Variants in SMOC2 observed in about 807,000 individuals in gnomAD.
The protein encoded by SMOC2 is SPARC-related modular calcium-binding protein 2.
In SMOC2, 39 loss-of-function variants were observed where a neutral mutation model predicts 61.4. The observed-to-expected ratio is 0.64, with a 90% CI of 0.49 to 0.83. The LOEUF (loss-of-function observed/expected upper bound fraction) is 0.83, where lower values mean the gene tolerates loss of function less well. Among genes scored for constraint, SMOC2 ranks in the 40% least tolerant of loss-of-function variants. The pLI, the probability that SMOC2 is intolerant of heterozygous loss-of-function variation, is 0.00. For synonymous variants in SMOC2, 247 were observed against 239.9 expected, an observed-to-expected ratio of 1.03 and a Z score of -0.27; for missense variants, 556 against 592.9, an observed-to-expected ratio of 0.94 and a Z score of 0.65.
intron 1 of SMOC2, among the ~76,000 whole-genome samples, chr6:168,471,856 CT>C (rs1387363554): frequency 6.6e-6 from 1 of 152,132 alleles, no homozygotes; most frequent in African/African-American, 2.4e-5. Flanking sequence ...TGTTGAGCAT[CT>C]TTTCTTATTC....
chr6:168,502,458 C>A (rs1015204550), intron 1 of SMOC2, among the ~76,000 whole-genome samples: 39 of 152,194 alleles, frequency 2.6e-4, no homozygotes, highest in African/African-American at 8.4e-4. Flanking sequence ...CCACCTTCTG[C>A]GTATTTATTG....
chr6:168,623,885 G>A (rs919140278), intron 9 of SMOC2, among the ~76,000 whole-genome samples: 5 of 152,184 alleles, frequency 3.3e-5, no homozygotes, highest in Admixed American at 6.5e-5. Context: ...CTGGGCTGTC[G>A]GTGCAGTGGC....
intron 10 of SMOC2, among the ~76,000 whole-genome samples, chr6:168,651,074 G>A (rs1787180824): frequency 6.6e-6 from 1 of 152,210 alleles, no homozygotes; most frequent in African/African-American, 2.4e-5. Flanking sequence ...CAGGGCAGGG[G>A]GAGCACTTCC....
intron 1 of SMOC2, among the ~76,000 whole-genome samples, chr6:168,487,086 C>T (rs891149409): frequency 1.3e-5 from 2 of 152,210 alleles, no homozygotes; most frequent in African/African-American, 4.8e-5. Context: ...CCCAGCCTCT[C>T]CTCTGCCCTG....
intron 1 of SMOC2, among the ~76,000 whole-genome samples, chr6:168,474,664 C>T (rs13217628): frequency 0.2 from 30,589 of 152,056 alleles, 3,980 homozygotes; most frequent in East Asian, 0.44. Flanking sequence ...CCAAGACCAC[C>T]AGGCACAGCT....
At chr6:168,630,331 A>G (rs956633259) in intron 9 of SMOC2, among the ~76,000 whole-genome samples, 15 of 152,196 alleles carry the variant, frequency 9.9e-5, no homozygotes, top group African/African-American at 3.1e-4. Flanking sequence ...AGTTCCCCAA[A>G]TTAATACTTT....
chr6:168,567,773 T>C (rs1784575241), intron 7 of SMOC2, among the ~76,000 whole-genome samples: 1 of 152,222 alleles, frequency 6.6e-6, no homozygotes, highest in Admixed American at 6.5e-5. Context: ...ATGGTGTGTG[T>C]CGGTGTCTCA....
intron 9 of SMOC2, among the ~76,000 whole-genome samples, chr6:168,624,788 T>G (rs770180269): frequency 9.7e-6 from 1 of 102,924 alleles, no homozygotes; most frequent in Non-Finnish European, 2.1e-5. Flanking sequence ...ACAATACAGA[T>G]ACACACAGAC....
intron 1 of SMOC2, among the ~76,000 whole-genome samples, chr6:168,460,616 G>A (rs1034567857): frequency 1.1e-4 from 17 of 152,296 alleles, no homozygotes; most frequent in East Asian, 3.9e-4. Context: ...CAGGAACCCG[G>A]TGTGGGGCCA....
At chr6:168,525,548 A>G (rs1783433874) in intron 2 of SMOC2, among the ~76,000 whole-genome samples, 3 of 152,198 alleles carry the variant, frequency 2.0e-5, no homozygotes, top group Admixed American at 2.0e-4. Flanking sequence ...CTGGAAGTCT[A>G]AAGACTTTTC....
chr6:168,547,548 C>A (rs1370548527), intron 6 of SMOC2, among the ~76,000 whole-genome samples: 1 of 151,876 alleles, frequency 6.6e-6, no homozygotes, highest in African/African-American at 2.4e-5. Flanking sequence ...GATGGCATAC[C>A]ACACATCCAG....
intron 7 of SMOC2, among the ~76,000 whole-genome samples, chr6:168,559,068 A>G (rs545851039): frequency 6.6e-6 from 1 of 152,378 alleles, no homozygotes; most frequent in South Asian, 2.1e-4. Flanking sequence ...ACCAAGATTT[A>G]CATGTTGTTA....
chr6:168,618,009 T>C (rs1455005756), intron 9 of SMOC2, among the ~76,000 whole-genome samples: 1 of 152,158 alleles, frequency 6.6e-6, no homozygotes, highest in Non-Finnish European at 1.5e-5. Flanking sequence ...AGGGATAAAA[T>C]AATCTGAGAT....
rs188055167 is a variant in SMOC2, at chr6:168,517,631, C to T, written c.256+7545C>T. On this transcript the variant is annotated intron_variant, in intron 2 of 12. Coordinates refer to ENST00000356284, the MANE Select transcript of SMOC2 (RefSeq NM_001166412.2). ...GGAACCAGGCCTCCCCGTGGGGCTCCGTCCACGCGCTCTGCTCCTTCTGTT... is the reference window on the plus strand; with the variant it reads ...GGAACCAGGCCTCCCCGTGGGGCTCTGTCCACGCGCTCTGCTCCTTCTGTT... 1.6e-3 allele frequency among the ~76,000 whole-genome samples: 239 copies of T among 152,346 alleles called. 1 individual carries two copies. The highest frequency in any genetic ancestry group is 3.1e-3 in the Non-Finnish European group (210 of 68,032).
At chr6:168,647,612 C>T (rs1787072196) in intron 9 of SMOC2, among the ~76,000 whole-genome samples, 1 of 151,002 alleles carries the variant, frequency 6.6e-6, no homozygotes, top group Non-Finnish European at 1.5e-5. Context: ...TTCTCTTTTA[C>T]CTCAAGCCTC....
chr6:168,441,273 ACGCGCCCGCCCAGC>A lies in SMOC2; in HGVS notation c.-92_-79del, dbSNP rs1781198186. Reference sequence around the variant, plus strand: ...GAGAGCATCGCGGAGCCGCCCCTCCACGCGCCCGCCCAGCCGCGCTCGCCCACTGGGCTCTCCCG... The same window carrying A: ...GAGAGCATCGCGGAGCCGCCCCTCCACGCGCTCGCCCACTGGGCTCTCCCG... On this transcript the variant is annotated 5_prime_UTR_variant, in exon 1 of 13. Transcript: ENST00000356284. The A allele has an allele frequency of 2.9e-6, 4 of 1,381,906 alleles. No individual in the cohort carries two copies. Among genetic ancestry groups the A allele is most frequent in the Admixed American group, 3.7e-5 (1 of 27,180 alleles). 85.6% of individuals were successfully genotyped at this position (1,381,906 alleles called of 1,614,324 possible).
chr6:168,533,992 T>A (rs1783674366), intron 4 of SMOC2, among the ~76,000 whole-genome samples: 1 of 152,168 alleles, frequency 6.6e-6, no homozygotes, highest in Admixed American at 6.5e-5. Context: ...TTGCTTGTAA[T>A]CCCAGCACTG....
intron 1 of SMOC2, among the ~76,000 whole-genome samples, chr6:168,477,403 T>G (rs1189480969): frequency 6.6e-6 from 1 of 152,206 alleles, no homozygotes. Flanking sequence ...TGTAACATGG[T>G]CCTGAGTCAT....
At chr6:168,482,214 A>G (rs1333875831) in intron 1 of SMOC2, among the ~76,000 whole-genome samples, 1 of 151,908 alleles carries the variant, frequency 6.6e-6, no homozygotes, top group Admixed American at 6.6e-5. Context: ...TTTTCCTAAG[A>G]AAAAGAAAGA....
Sources: allele counts gnomAD v4.1 joint callset (sites outside exome capture counted in the v4.1 genomes callset), GRCh38; gene constraint gnomAD v4.1.1; transcripts MANE v1.5; gene names NCBI Gene and HGNC (gene_info 2026-07-23, HGNC 2026-07-21).